Variants in PPM1A observed in about 807,000 individuals in gnomAD.
The protein encoded by PPM1A is protein phosphatase 1A.
PPM1A carries 7 observed loss-of-function variants against 35.0 expected under a neutral mutation model. The ratio of observed to expected loss-of-function variants is 0.20; its 90% confidence interval spans 0.11 to 0.38. PPM1A has a LOEUF of 0.38. Ranked by LOEUF, PPM1A falls within the 10% of genes least tolerant of loss-of-function variation. PPM1A has a pLI of 1.00. For synonymous variants in PPM1A, 153 were observed against 167.3 expected (o/e 0.91, Z 0.66); for missense variants, 239 against 467.8 (o/e 0.51, Z 4.51).
At position 60,273,676 on chromosome 14, in the gene PPM1A, G is replaced by A. The variant is rs1466492037; in HGVS notation, c.-20-9008G>A. 2.0e-5 allele frequency among the ~76,000 whole-genome samples: 3 copies of A among 152,168 alleles called. No individual in the cohort carries two copies. The highest frequency in any genetic ancestry group is 7.2e-5 in the African/African-American group (3 of 41,428). ...GGATCCACGTGAAGAGACTAAAGACGCTAGTATTCTGCAGTGAGAATGATG... is the reference window on the plus strand; with the variant it reads ...GGATCCACGTGAAGAGACTAAAGACACTAGTATTCTGCAGTGAGAATGATG... On this transcript the variant is annotated intron_variant, in intron 1 of 5. Transcript: ENST00000395076. This position sits in a 1 kb window ranked among gnomAD's most constrained non-coding sequence, Gnocchi z 4.3.
At chr14:60,288,591 G>GTTT in intron 3 of PPM1A, 4 of 799,268 alleles carry the variant, frequency 5.0e-6, no homozygotes, top group Non-Finnish European at 6.0e-6. Flanking sequence ...ATTTAAGACT[G>GTTT]TTTTTTTTTT....
intron 1 of PPM1A, among the ~76,000 whole-genome samples, chr14:60,260,471 C>T (rs969231259): frequency 2.6e-5 from 4 of 152,022 alleles, no homozygotes; most frequent in African/African-American, 9.7e-5. Flanking sequence ...GTTTTTTAAC[C>T]TTTTTATATA....
intron 1 of PPM1A, among the ~76,000 whole-genome samples, chr14:60,266,895 T>C (rs1884448598): frequency 1.3e-5 from 2 of 152,204 alleles, no homozygotes; most frequent in Admixed American, 1.3e-4. Context: ...CTTCACAATT[T>C]TGAATCTTCC....
chr14:60,274,273 C>T (rs1321615234), intron 1 of PPM1A, among the ~76,000 whole-genome samples: 2 of 152,040 alleles, frequency 1.3e-5, no homozygotes, highest in East Asian at 3.9e-4. Flanking sequence ...TAGAGGAGGG[C>T]TAAAAATGTC....
intron 1 of PPM1A, among the ~76,000 whole-genome samples, chr14:60,254,245 T>C (rs933229059): frequency 6.8e-6 from 1 of 147,732 alleles, no homozygotes; most frequent in African/African-American, 2.6e-5. Context: ...TCTGTGAGTT[T>C]AGAGAGCTTG....
At chr14:60,272,461 C>CT (rs537048748) in intron 1 of PPM1A, among the ~76,000 whole-genome samples, 3 of 152,024 alleles carry the variant, frequency 2.0e-5, no homozygotes, top group Non-Finnish European at 4.4e-5. Context: ...AATTTCAGCA[C>CT]TTTGAGAGGC....
At chr14:60,279,186 T>C (rs1886100097) in intron 1 of PPM1A, among the ~76,000 whole-genome samples, 1 of 152,250 alleles carries the variant, frequency 6.6e-6, no homozygotes, top group South Asian at 2.1e-4. Flanking sequence ...TGGCATGATC[T>C]TGGCTCACTG....
chr14:60,276,281 G>A (rs1427848419), intron 1 of PPM1A, among the ~76,000 whole-genome samples: 1 of 152,146 alleles, frequency 6.6e-6, no homozygotes, highest in Non-Finnish European at 1.5e-5. Flanking sequence ...TGTGCTGTTT[G>A]TTAACGTTCC....
At chr14:60,259,132 A>C (rs1883466283) in intron 1 of PPM1A, among the ~76,000 whole-genome samples, 1 of 152,090 alleles carries the variant, frequency 6.6e-6, no homozygotes, top group Admixed American at 6.5e-5. Context: ...CTATCTCCCT[A>C]CATACACAAA....
chr14:60,298,640 G>A lies in PPM1A; in HGVS notation c.*6158G>A, dbSNP rs1888242198. ...TTGTTTGTAGTGATATGCCCCAATA[G>A]TGATTGATTTCACTCTTGAAATGAG... On this transcript the variant is annotated 3_prime_UTR_variant, in exon 6 of 6. Coordinates refer to ENST00000395076, the MANE Select transcript of PPM1A (RefSeq NM_021003.5). 1 of 151,734 alleles carries A rather than the reference G, an allele frequency of 6.6e-6. No individual in the cohort carries two copies. The highest frequency in any genetic ancestry group is 6.6e-5 in the Admixed American group (1 of 15,214). The allele number at this position is 151,734 out of a possible 1,614,324, so 9.4% of individuals were successfully genotyped here. A position where few individuals can be genotyped will look rare whatever the true frequency, so the allele number is the denominator to read the frequency against.
intron 1 of PPM1A, chr14:60,267,071 A>T (rs930031451): frequency 2.0e-5 from 3 of 152,090 alleles, no homozygotes; most frequent in African/African-American, 7.2e-5. Flanking sequence ...CTTATTGAGT[A>T]TTTTTTTCCC....
At chr14:60,276,923 G>A (rs1319835922) in intron 1 of PPM1A, 2 of 482,830 alleles carry the variant, frequency 4.1e-6, no homozygotes, top group Admixed American at 1.0e-4. Flanking sequence ...TTAGGGATTA[G>A]TTTGGTTTTT....
Position 60,297,780 on chromosome 14 carries a change from G to GTTACA in PPM1A, c.*5298_*5299insTTACA, listed in dbSNP as rs1888166001. On this transcript the variant is annotated 3_prime_UTR_variant, in exon 6 of 6. Transcript: ENST00000395076. ...TTTAGCAATGCTTCTTAACCTTTTG[G>GTTACA]GGTCACAGGCGTTTTGAGACTGATG... 6.6e-6 allele frequency: 1 copy of GTTACA among 151,490 alleles called. No individual in the cohort carries two copies. The highest frequency in any genetic ancestry group is 1.9e-4 in the East Asian group (1 of 5,188). 9.4% of individuals were successfully genotyped at this position (151,490 alleles called of 1,614,324 possible).
Position 60,289,939 on chromosome 14 carries a change from A to C in PPM1A, c.1061+25A>C. The C allele has an allele frequency of 7.0e-7, 1 of 1,423,564 alleles. No homozygotes were observed. The highest frequency in any genetic ancestry group is 9.6e-7 in the Non-Finnish European group (1 of 1,043,566). The allele number at this position is 1,423,564 out of a possible 1,614,324, so 88.2% of individuals were successfully genotyped here. ...AGTAAGTTACATTCTGTACACTCTT[A>C]TGCTTTATGTCAGTGTATGAAAATG... On this transcript the variant is annotated intron_variant, in intron 4 of 5. Transcript: ENST00000395076. The surrounding 1 kb of genome is among the most constrained non-coding windows in gnomAD (Gnocchi z 4.1).
At chr14:60,286,680 A>AT (rs1027067645) in intron 3 of PPM1A, 13 of 984,042 alleles carry the variant, frequency 1.3e-5, no homozygotes, top group African/African-American at 1.8e-5. Flanking sequence ...ACTCACTTTA[A>AT]TTTTTTTTCC....
In PPM1A at chr14:60,289,453, A is replaced by G. The variant is rs549912644; in HGVS notation, c.953-353A>G. Among the ~76,000 whole-genome samples, 41 of 152,310 alleles carry G rather than the reference A, an allele frequency of 2.7e-4. No individual in the cohort carries two copies. Among genetic ancestry groups the G allele is most frequent in the Admixed American group, 5.9e-4 (9 of 15,298 alleles). The stretch of plus-strand genomic sequence containing the variant: ...TTATATAGGGCAAAGTTCAGGAAAC[A>G]TGTTTCCAGTCTAAAGAGAGGAGTG... On this transcript the variant is annotated intron_variant, in intron 3 of 5. Transcript: ENST00000395076. This position sits in a 1 kb window ranked among gnomAD's most constrained non-coding sequence, Gnocchi z 4.1.
chr14:60,252,299 A>G (rs1374424938), intron 1 of PPM1A, among the ~76,000 whole-genome samples: 1 of 152,230 alleles, frequency 6.6e-6, no homozygotes, highest in East Asian at 1.9e-4. Flanking sequence ...ATCTATGCTC[A>G]TGTAGAAATA....
At chr14:60,255,790 T>C (rs1369545177) in intron 1 of PPM1A, among the ~76,000 whole-genome samples, 1 of 152,226 alleles carries the variant, frequency 6.6e-6, no homozygotes, top group Non-Finnish European at 1.5e-5. Context: ...GCAGTGTTCT[T>C]ATATTGATGT....
chr14:60,249,584 G>A lies in PPM1A; in HGVS notation c.-114G>A, dbSNP rs935749966. 9.1e-6 allele frequency: 9 copies of A among 986,848 alleles called. No homozygotes were observed. In the African/African-American group the frequency reaches 1.6e-4, roughly 17 times the overall value. The allele number at this position is 986,848 out of a possible 1,614,324, so 61.1% of individuals were successfully genotyped here. On this transcript the variant is annotated 5_prime_UTR_variant, in exon 1 of 6. Coordinates refer to ENST00000395076, the MANE Select transcript of PPM1A (RefSeq NM_021003.5). This position sits in a 1 kb window ranked among gnomAD's most constrained non-coding sequence, Gnocchi z 4.5. ...CCGCTGCAGCGGTGACCCCTCCCCC[G>A]GCTGCCGCCGTCGCCGCCGCGGTGA...
Sources: gnomAD v4.1 joint callset for allele counts (sites outside exome capture counted in the v4.1 genomes callset) on GRCh38, gnomAD v4.1.1 for gene constraint, Gnocchi (gnomAD v3.1) non-coding constraint, MANE v1.5 for transcripts, NCBI Gene and HGNC (gene_info 2026-07-23, HGNC 2026-07-21) for gene names.